Variants in SYNE2 observed in about 807,000 individuals in gnomAD.
SYNE2 encodes spectrin repeat containing nuclear envelope protein 2.
A neutral mutation model predicts 856.3 loss-of-function variants in SYNE2; 431 were observed. The observed-to-expected ratio is 0.50, with a 90% confidence interval of 0.47 to 0.55. SYNE2 has a LOEUF of 0.55. SYNE2 is among the 20% of genes least tolerant of loss of function. SYNE2 has a pLI of 0.00. For synonymous variants in SYNE2, 2,923 were observed against 2,872.3 expected (o/e 1.02, Z -0.56); for missense variants, 8,129 against 8,023.2 (o/e 1.01, Z -0.50).
At chr14:63,971,127 T>TTC (rs2096470816) in intron 11 of SYNE2, among the ~76,000 whole-genome samples, 1 of 151,654 alleles carries the variant, frequency 6.6e-6, no homozygotes, top group South Asian at 2.1e-4. Context: ...TTGGTTTTTT[T>TTC]TTTTTTGAGA....
intron 1 of SYNE2, among the ~76,000 whole-genome samples, chr14:63,890,009 C>CA (rs1280000954): frequency 6.6e-6 from 1 of 150,686 alleles, no homozygotes; most frequent in Non-Finnish European, 1.5e-5. Context: ...AGGTATGGGG[C>CA]AGGGCCCCTT....
intron 91 of SYNE2, 21 bp downstream of exon 91, chr14:64,167,408 T>G (rs1416938434): frequency 6.2e-7 from 1 of 1,614,222 alleles, no homozygotes; most frequent in Non-Finnish European, 8.5e-7. Flanking sequence ...CCCTTCTCTG[T>G]CGTTGTTTCA....
chr14:64,173,794 A>T, intron 94 of SYNE2: 1 of 548,002 alleles, frequency 1.8e-6, no homozygotes, highest in Non-Finnish European at 3.2e-6. Context: ...GACAAAAACT[A>T]TTTAATTTTT....
At chr14:64,205,879 T>G (rs2098602715) in intron 100 of SYNE2, among the ~76,000 whole-genome samples, 1 of 152,114 alleles carries the variant, frequency 6.6e-6, no homozygotes, top group African/African-American at 2.4e-5. Flanking sequence ...TTAGTTACCC[T>G]TCCACTGGCT....
intron 1 of SYNE2, among the ~76,000 whole-genome samples, chr14:63,854,794 T>A (rs1032722802): frequency 6.6e-6 from 1 of 152,246 alleles, no homozygotes; most frequent in African/African-American, 2.4e-5. Context: ...TGTAGGATAT[T>A]ACAGAATGTT....
intron 1 of SYNE2, among the ~76,000 whole-genome samples, chr14:63,840,287 T>G (rs1890007216): frequency 6.6e-6 from 1 of 151,056 alleles, no homozygotes; most frequent in Admixed American, 6.6e-5. Context: ...AAAAGTAGGC[T>G]TTTGTCTTTT....
chr14:63,946,729 A>G (rs577554364), intron 6 of SYNE2, among the ~76,000 whole-genome samples: 66 of 150,580 alleles, frequency 4.4e-4, no homozygotes, highest in South Asian at 2.7e-3. Flanking sequence ...TGTAGAATAT[A>G]TATATAAATT....
At chr14:64,140,743 T>C (rs962198940) in intron 80 of SYNE2, among the ~76,000 whole-genome samples, 2 of 152,224 alleles carry the variant, frequency 1.3e-5, no homozygotes, top group African/African-American at 4.8e-5. Flanking sequence ...AAAGCTTTTG[T>C]TCCATTGTTT....
intron 65 of SYNE2, among the ~76,000 whole-genome samples, chr14:64,110,110 C>CATAAGCAGTGGGGGAGATATGCAGGT (rs529875291): frequency 1.3e-5 from 2 of 151,968 alleles, no homozygotes; most frequent in African/African-American, 2.4e-5. Context: ...TTTTACATTT[C>CATAAGCAGTGGGGGAGATATGCAGGT]ATAAGCAGTG....
intron 7 of SYNE2, among the ~76,000 whole-genome samples, chr14:63,950,220 C>T (rs935610003): frequency 1.3e-5 from 2 of 152,174 alleles, no homozygotes; most frequent in African/African-American, 2.4e-5. Flanking sequence ...ACTCATCCCA[C>T]CTGCTGTGTT....
intron 57 of SYNE2, among the ~76,000 whole-genome samples, chr14:64,083,878 T>C (rs2153615664): frequency 6.6e-6 from 1 of 152,234 alleles, no homozygotes; most frequent in African/African-American, 2.4e-5. Flanking sequence ...GTTGTAAGAA[T>C]AACTGAAACA....
chr14:63,807,865 A>ATATATATATATATATATATATAT lies in SYNE2; in HGVS notation c.-304-44636_-304-44635insTATATATATATATATATATATAT, dbSNP rs1267385896. Among the ~76,000 whole-genome samples, 5 of 97,404 alleles carry ATATATATATATATATATATATAT rather than the reference A, an allele frequency of 5.1e-5. 1 individual carries two copies. Among genetic ancestry groups the ATATATATATATATATATATATAT allele is most frequent in the African/African-American group, 1.1e-4 (3 of 26,922 alleles). The allele number at this position is 97,404 out of a possible 152,430, so 63.9% of individuals were successfully genotyped here. ...TATATATATATATATATATATATAT[A>ATATATATATATATATATATATAT]ATTTCAATAGTTTTTGGGAACAAGT... On this transcript the variant is annotated intron_variant, in intron 1 of 23. Coordinates refer to the SYNE2 transcript ENST00000674003.
intron 1 of SYNE2, among the ~76,000 whole-genome samples, chr14:63,788,874 A>G (rs1381292190): frequency 6.6e-6 from 1 of 152,224 alleles, no homozygotes; most frequent in Non-Finnish European, 1.5e-5. Flanking sequence ...TACCCAAAAG[A>G]AAGGAAATAA....
chr14:64,158,010 TG>T (rs1431175953), intron 85 of SYNE2, among the ~76,000 whole-genome samples: 4 of 152,324 alleles, frequency 2.6e-5, no homozygotes, highest in Admixed American at 1.3e-4. Context: ...ACAGAATGCT[TG>T]GACTTTTTTC....
intron 1 of SYNE2, among the ~76,000 whole-genome samples, chr14:63,899,377 T>G (rs1211828122): frequency 6.6e-6 from 1 of 152,098 alleles, no homozygotes; most frequent in Non-Finnish European, 1.5e-5. Flanking sequence ...AATTTTTGTA[T>G]TTTTAGTAGA....
intron 85 of SYNE2, among the ~76,000 whole-genome samples, chr14:64,156,648 A>G (rs1037216902): frequency 1.3e-5 from 2 of 151,622 alleles, no homozygotes; most frequent in African/African-American, 4.8e-5. Context: ...TAGTAGAGAC[A>G]GGGTTTCACC....
At chr14:64,097,625 C>A (rs562373626) in intron 61 of SYNE2, among the ~76,000 whole-genome samples, 1 of 152,232 alleles carries the variant, frequency 6.6e-6, no homozygotes, top group East Asian at 1.9e-4. Flanking sequence ...GCCACTAGAG[C>A]GGTAGCTCCC....
At position 64,152,758 on chromosome 14, in the gene SYNE2, T is replaced by C. The variant is rs772114340; in HGVS notation, c.15792+42T>C. 3.7e-6 allele frequency: 6 copies of C among 1,611,548 alleles called. 1 individual carries two copies. The highest frequency in any genetic ancestry group is 5.1e-6 in the Non-Finnish European group (6 of 1,177,980). ...GAAATGTGCTATTTCTCTTCACATA[T>C]TCTTTTACCTTATTTGTCGTTGTAG... is the stretch of plus-strand genomic sequence containing the variant. On this transcript the variant is annotated intron_variant, in intron 85 of 115. Coordinates refer to ENST00000555002, the MANE Select transcript of SYNE2 (RefSeq NM_182914.3).
Position 64,109,764 on chromosome 14 carries a change from T to G in SYNE2, c.12609+2157T>G, listed in dbSNP as rs374359712. Among the ~76,000 whole-genome samples the G allele has an allele frequency of 1.8e-4, 27 of 152,320 alleles. 1 individual carries two copies. The highest frequency in any genetic ancestry group is 3.4e-3 in the Middle Eastern group (1 of 294). The stretch of plus-strand genomic sequence containing the variant: ...TGACTGTCTTCCTGCCTTTTAGTGA[T>G]TTCTGTCTCATTGGCACAGCACATC... On this transcript the variant is annotated intron_variant, in intron 65 of 115. Coordinates refer to ENST00000555002, the MANE Select transcript of SYNE2 (RefSeq NM_182914.3).
Sources: allele counts gnomAD v4.1 joint callset (sites outside exome capture counted in the v4.1 genomes callset), GRCh38; gene constraint gnomAD v4.1.1; transcripts MANE v1.5; gene names NCBI Gene and HGNC (gene_info 2026-07-23, HGNC 2026-07-21).